The following CBFA2T2 variants were observed in gnomAD, a reference collection of about 807,000 sequenced individuals.
CBFA2T2 encodes the protein CBFA2/RUNX1 partner transcriptional co-repressor 2.
A neutral mutation model predicts 62.2 loss-of-function variants in CBFA2T2; 11 were observed. The ratio of observed to expected loss-of-function variants is 0.18; its 90% confidence interval spans 0.11 to 0.29. The LOEUF is 0.29. CBFA2T2 is among the 10% of genes least tolerant of loss of function. CBFA2T2 has a pLI of 1.00. For synonymous variants in CBFA2T2, 295 were observed against 287.5 expected (o/e 1.03, Z -0.27); for missense variants, 592 against 774.1 (o/e 0.76, Z 2.79).
chr20:33,529,635 A>G (rs940551484), intron 1 of CBFA2T2, among the ~76,000 whole-genome samples: 1 of 151,528 alleles, frequency 6.6e-6, no homozygotes, highest in Non-Finnish European at 1.5e-5. Context: ...ACACCTCAGG[A>G]GGCTGAGATG....
At position 33,646,836 on chromosome 20, in the gene CBFA2T2, G is replaced by A. The variant is rs929640320; in HGVS notation, c.*2190G>A. On this transcript the variant is annotated 3_prime_UTR_variant, in exon 11 of 11. Transcript: ENST00000342704. ...AGATTCCACCACTGCACTCCAGCCT[G>A]GGCAACAGAGCAAAACTCTGTCTCA... The A allele has an allele frequency of 1.3e-5, 2 of 150,490 alleles. No homozygotes were observed. The highest frequency in any genetic ancestry group is 3.0e-5 in the Non-Finnish European group (2 of 67,764). 9.3% of individuals were successfully genotyped at this position (150,490 alleles called of 1,614,324 possible).
At chr20:33,519,283 G>A (rs146426901) in intron 1 of CBFA2T2, among the ~76,000 whole-genome samples, 2 of 151,656 alleles carry the variant, frequency 1.3e-5, no homozygotes, top group African/African-American at 2.4e-5. Flanking sequence ...CAGCCTGGCC[G>A]ACAAGGTGAA....
intron 1 of CBFA2T2, among the ~76,000 whole-genome samples, chr20:33,515,514 T>C (rs2011585210): frequency 1.3e-5 from 2 of 152,022 alleles, no homozygotes; most frequent in African/African-American, 2.4e-5. Context: ...GACACTATAG[T>C]TTTTTATTTT....
At chr20:33,508,695 C>T (rs780163635) in intron 1 of CBFA2T2, among the ~76,000 whole-genome samples, 1 of 152,142 alleles carries the variant, frequency 6.6e-6, no homozygotes, top group Non-Finnish European at 1.5e-5. Flanking sequence ...TTTCTTTTCC[C>T]ATGTTAGTTT....
At chr20:33,582,385 G>A (rs141925151) in intron 1 of CBFA2T2, among the ~76,000 whole-genome samples, 178 of 152,188 alleles carry the variant, frequency 1.2e-3, no homozygotes, top group African/African-American at 4.1e-3. Context: ...CTACTTGGGA[G>A]GCTGAGGCAG....
chr20:33,640,696 C>CT (rs2016800345), intron 10 of CBFA2T2, among the ~76,000 whole-genome samples, 165 bp downstream of exon 10: 1 of 152,110 alleles, frequency 6.6e-6, no homozygotes, highest in South Asian at 2.1e-4. Context: ...TGCTAAGACT[C>CT]TTTTACATGC....
chr20:33,637,811 G>A (rs1010962168), intron 9 of CBFA2T2, among the ~76,000 whole-genome samples: 11 of 151,788 alleles, frequency 7.2e-5, no homozygotes, highest in Non-Finnish European at 7.4e-5. Flanking sequence ...GGGATTACAG[G>A]CATGCACCAC....
intron 1 of CBFA2T2, among the ~76,000 whole-genome samples, chr20:33,578,245 T>C (rs1003665073): frequency 2.0e-5 from 3 of 152,198 alleles, no homozygotes; most frequent in East Asian, 1.9e-4. Context: ...TCTAGGGCAA[T>C]TTATATATGA....
chr20:33,599,194 G>A (rs1442499320), intron 1 of CBFA2T2, among the ~76,000 whole-genome samples: 6 of 151,906 alleles, frequency 3.9e-5, no homozygotes, highest in Admixed American at 6.6e-5. Context: ...CCCAGGAGGC[G>A]GAGGTTGCAG....
intron 1 of CBFA2T2, among the ~76,000 whole-genome samples, chr20:33,497,274 CAAAAAAAAAAAAA>C (rs34528525): frequency 1.7e-5 from 1 of 58,070 alleles, no homozygotes; most frequent in Admixed American, 2.7e-4. Flanking sequence ...ACCCTGTCTC[CAAAAAAAAAAAAA>C]AAAAAAAAAA....
intron 1 of CBFA2T2, among the ~76,000 whole-genome samples, chr20:33,584,329 G>A (rs1051746821): frequency 1.3e-5 from 2 of 148,846 alleles, no homozygotes; most frequent in African/African-American, 2.5e-5. Flanking sequence ...ACAGTGATGC[G>A]ATCTTGGCTC....
At chr20:33,545,027 C>CAG (rs2012512279) in intron 1 of CBFA2T2, among the ~76,000 whole-genome samples, 2 of 121,372 alleles carry the variant, frequency 1.6e-5, no homozygotes, top group African/African-American at 8.2e-5. Flanking sequence ...GAACAGAATG[C>CAG]AAGGTAGACA....
chr20:33,551,921 T>G (rs759408472), intron 1 of CBFA2T2, among the ~76,000 whole-genome samples: 1 of 152,052 alleles, frequency 6.6e-6, no homozygotes, highest in African/African-American at 2.4e-5. Flanking sequence ...TCCCTGCCCT[T>G]TTTTTTTCTG....
In CBFA2T2 at chr20:33,638,421, C is replaced by T. The variant is rs184891162; in HGVS notation, c.1297+1713C>T. Among the ~76,000 whole-genome samples, 222 of 152,244 alleles carry T rather than the reference C, an allele frequency of 1.5e-3. 3 individuals are homozygous for T. Among genetic ancestry groups the T allele is most frequent in the East Asian group, 9.1e-3 (47 of 5,176 alleles). On this transcript the variant is annotated intron_variant, in intron 9 of 10. Transcript: ENST00000342704. ...CTACAGTGCCATCTGTGACCTTAGA[C>T]GACCTCCAGTAAGATAGCTAGCCAA...
intron 1 of CBFA2T2, among the ~76,000 whole-genome samples, chr20:33,560,561 C>T (rs2013046123): frequency 6.6e-6 from 1 of 152,156 alleles, no homozygotes; most frequent in African/African-American, 2.4e-5. Context: ...CTATTATTAC[C>T]ACCATCACTG....
At position 33,644,605 on chromosome 20, in the gene CBFA2T2, A is replaced by G; in HGVS notation, c.1747A>G (p.Thr583Ala). The change falls in exon 11 of 11, where the codon ACA becomes GCA. Residue 583 changes from threonine to alanine, a missense_variant. Transcript: ENST00000342704. ...KTSATTSRSSTPASVTAIDTN... is the reference protein window; with the variant it reads ...KTSATTSRSSAPASVTAIDTN... ...CTCGGCAACCACATCGCGTTCCTCA[A>G]CACCTGCTTCTGTGACAGCTATCGA... is the stretch of plus-strand genomic sequence containing the variant. 1.2e-6 allele frequency: 2 copies of G among 1,611,158 alleles called. No homozygotes were observed. The highest frequency in any genetic ancestry group is 1.7e-6 in the Non-Finnish European group (2 of 1,177,642).
At chr20:33,538,778 T>G (rs1600945069) in intron 1 of CBFA2T2, among the ~76,000 whole-genome samples, 2 of 152,222 alleles carry the variant, frequency 1.3e-5, no homozygotes, top group East Asian at 3.8e-4. Flanking sequence ...TGTCACTGCT[T>G]CAGAGATTCT....
At chr20:33,617,418 C>T (rs1397510833) in intron 3 of CBFA2T2, among the ~76,000 whole-genome samples, 1 of 152,144 alleles carries the variant, frequency 6.6e-6, no homozygotes, top group Non-Finnish European at 1.5e-5. Flanking sequence ...TATAAACTAG[C>T]TGAAGGAGGA....
At chr20:33,589,688 A>G (rs561934529) in intron 1 of CBFA2T2, among the ~76,000 whole-genome samples, 1 of 152,288 alleles carries the variant, frequency 6.6e-6, no homozygotes, top group East Asian at 1.9e-4. Flanking sequence ...TATCCCCACT[A>G]TCAGAGAGCT....
Sources: gnomAD v4.1 joint callset for allele counts (sites outside exome capture counted in the v4.1 genomes callset) on GRCh38, gnomAD v4.1.1 for gene constraint, MANE v1.5 for transcripts, NCBI Gene and HGNC (gene_info 2026-07-23, HGNC 2026-07-21) for gene names.